Variants in ZMIZ1 observed in about 807,000 individuals in gnomAD.
ZMIZ1 encodes the protein zinc finger MIZ-type containing 1.
A neutral mutation model predicts 113.9 loss-of-function variants in ZMIZ1; 17 were observed. That is an observed-to-expected ratio of 0.15 (90% confidence interval 0.10 to 0.22). ZMIZ1 has a LOEUF of 0.22. Ranked by LOEUF, ZMIZ1 falls within the 10% of genes least tolerant of loss-of-function variation. The probability of loss-of-function intolerance (pLI) is 1.00; values close to 1 mark genes in which losing one functional copy is unlikely to be tolerated. For synonymous variants in ZMIZ1, 607 were observed against 603.1 expected (o/e 1.01, Z -0.09); for missense variants, 1,059 against 1,477.8 (o/e 0.72, Z 4.65).
chr10:79,246,362 C>T (rs1159394530), intron 7 of ZMIZ1, among the ~76,000 whole-genome samples: 8 of 152,200 alleles, frequency 5.3e-5, no homozygotes, highest in African/African-American at 1.9e-4. Context: ...AGCTCAGCCT[C>T]GGGTCCTCAG....
intron 22 of ZMIZ1, 63 bp from the exon 23 acceptor site, chr10:79,307,342 C>T: frequency 6.6e-7 from 1 of 1,514,444 alleles, no homozygotes; most frequent in Non-Finnish European, 9.1e-7. Flanking sequence ...ACTCTCTGTT[C>T]CCTGGGGGTG....
chr10:79,088,879 G>C (rs1842907485), intron 1 of ZMIZ1, among the ~76,000 whole-genome samples: 1 of 152,156 alleles, frequency 6.6e-6, no homozygotes, highest in Non-Finnish European at 1.5e-5. Flanking sequence ...GGTACTTTGG[G>C]GTCTGGAGAC....
chr10:79,311,295 G>A lies in ZMIZ1; in HGVS notation c.3096+111G>A, dbSNP rs1444949810. On this transcript the variant is annotated intron_variant, in intron 24 of 24. Coordinates refer to ENST00000334512, the MANE Select transcript of ZMIZ1 (RefSeq NM_020338.4). Reference sequence around the variant, plus strand: ...GAGGCCCCGAAGGGAGGAGGTGGGTGGGCGGTGGGAGGGCTTCACCCAGAC... The same window carrying A: ...GAGGCCCCGAAGGGAGGAGGTGGGTAGGCGGTGGGAGGGCTTCACCCAGAC... The A allele has an allele frequency of 8.1e-6, 11 of 1,350,298 alleles. 2 individuals are homozygous for A. Among genetic ancestry groups the A allele is most frequent in the Non-Finnish European group, 1.1e-5 (11 of 1,018,314 alleles). 83.6% of individuals were successfully genotyped at this position (1,350,298 alleles called of 1,614,324 possible).
chr10:79,174,673 G>C (rs2132543228), intron 4 of ZMIZ1, among the ~76,000 whole-genome samples: 1 of 152,214 alleles, frequency 6.6e-6, no homozygotes, highest in Non-Finnish European at 1.5e-5. Flanking sequence ...AAGCCCAGTT[G>C]GTGTGGGGCA....
intron 1 of ZMIZ1, among the ~76,000 whole-genome samples, chr10:79,088,281 T>A (rs1042148682): frequency 2.6e-5 from 4 of 152,212 alleles, no homozygotes; most frequent in African/African-American, 9.6e-5. Context: ...CCTGGGAGAA[T>A]TGGCTCGGCA....
intron 4 of ZMIZ1, among the ~76,000 whole-genome samples, chr10:79,178,506 G>A (rs1846968298): frequency 6.6e-6 from 1 of 152,164 alleles, no homozygotes; most frequent in African/African-American, 2.4e-5. Flanking sequence ...AGCCCAGCTG[G>A]GCGGGGGTGA....
chr10:79,197,812 C>T (rs2132639223), intron 4 of ZMIZ1, among the ~76,000 whole-genome samples: 1 of 152,036 alleles, frequency 6.6e-6, no homozygotes, highest in South Asian at 2.1e-4. Context: ...GTGCCTGGAC[C>T]AGTACCTGAC....
intron 1 of ZMIZ1, among the ~76,000 whole-genome samples, chr10:79,112,260 C>G (rs1412210476): frequency 6.6e-6 from 1 of 152,178 alleles, no homozygotes; most frequent in African/African-American, 2.4e-5. Flanking sequence ...GCAGACCTTC[C>G]TTGACAGCCT....
chr10:79,113,677 C>T (rs576864636), intron 1 of ZMIZ1, among the ~76,000 whole-genome samples: 6 of 152,300 alleles, frequency 3.9e-5, no homozygotes, highest in Non-Finnish European at 5.9e-5. Flanking sequence ...CTTTCCAACT[C>T]GTTGTCTGTG....
chr10:79,165,965 T>TGCGC (rs1564692738), intron 4 of ZMIZ1, among the ~76,000 whole-genome samples: 1 of 13,112 alleles, frequency 7.6e-5, no homozygotes, highest in African/African-American at 5.3e-4. Flanking sequence ...TGTGTGTGTG[T>TGCGC]GTGTGTGTGT....
chr10:79,232,436 A>G (rs1208380543), intron 7 of ZMIZ1, among the ~76,000 whole-genome samples: 2 of 152,194 alleles, frequency 1.3e-5, no homozygotes, highest in African/African-American at 2.4e-5. Context: ...ATAGGTATAC[A>G]TAATAAGTAT....
intron 23 of ZMIZ1, among the ~76,000 whole-genome samples, 173 bp downstream of exon 23, chr10:79,307,744 T>G (rs889919890): frequency 6.6e-6 from 1 of 152,134 alleles, no homozygotes; most frequent in Non-Finnish European, 1.5e-5. Flanking sequence ...GTCAGTGTCC[T>G]TAGACTTGGC....
intron 7 of ZMIZ1, among the ~76,000 whole-genome samples, chr10:79,262,042 C>T (rs565038483): frequency 4.6e-5 from 7 of 152,218 alleles, no homozygotes; most frequent in Admixed American, 1.3e-4. Context: ...GCAGTATCAG[C>T]GAACGTTTGC....
chr10:79,133,502 C>T (rs1376317581), intron 2 of ZMIZ1, among the ~76,000 whole-genome samples: 2 of 152,152 alleles, frequency 1.3e-5, no homozygotes, highest in African/African-American at 4.8e-5. Flanking sequence ...AAGTAGGGAC[C>T]AGGGAAGAGA....
chr10:79,128,246 AAG>A (rs1407050959), intron 2 of ZMIZ1, among the ~76,000 whole-genome samples: 1 of 152,078 alleles, frequency 6.6e-6, no homozygotes, highest in Non-Finnish European at 1.5e-5. Flanking sequence ...CCCCTGCTCT[AAG>A]AGAGGGGGCT....
At chr10:79,077,747 A>T (rs1842523298) in intron 1 of ZMIZ1, among the ~76,000 whole-genome samples, 1 of 152,232 alleles carries the variant, frequency 6.6e-6, no homozygotes, top group Non-Finnish European at 1.5e-5. Context: ...CCACATCTGT[A>T]AAACAGGCTT....
chr10:79,304,913 G>A (rs758833589), intron 19 of ZMIZ1, among the ~76,000 whole-genome samples: 1 of 152,174 alleles, frequency 6.6e-6, no homozygotes, highest in Non-Finnish European at 1.5e-5. Flanking sequence ...AACCAGGAAG[G>A]CTTCTCAGAG....
chr10:79,199,875 A>G (rs1324740116), intron 4 of ZMIZ1, among the ~76,000 whole-genome samples: 1 of 152,226 alleles, frequency 6.6e-6, no homozygotes, highest in Non-Finnish European at 1.5e-5. Context: ...TGGAGGAGGA[A>G]CAGGACTTTC....
At chr10:79,073,017 A>G (rs704014) in intron 1 of ZMIZ1, among the ~76,000 whole-genome samples, 130,007 of 152,164 alleles carry the variant, frequency 0.85, 56,070 homozygotes, top group African/African-American at 0.96. Flanking sequence ...ATGAAGGGAG[A>G]AGGCTGAGAA....
Sources: allele counts gnomAD v4.1 joint callset (sites outside exome capture counted in the v4.1 genomes callset), GRCh38; gene constraint gnomAD v4.1.1; transcripts MANE v1.5; gene names NCBI Gene and HGNC (gene_info 2026-07-23, HGNC 2026-07-21).